Variants in GRM5 observed in about 807,000 individuals in gnomAD.
GRM5 encodes glutamate metabotropic receptor 5, also known as metabotropic glutamate receptor 5.
GRM5 carries 19 observed loss-of-function variants against 83.1 expected under a neutral mutation model. The observed-to-expected ratio is 0.23, with a 90% CI of 0.16 to 0.34. The LOEUF is 0.34. GRM5 is among the 10% of genes least tolerant of loss of function. The pLI is 1.00. For missense variants in GRM5, 1,160 were observed against 1,588.3 expected (o/e 0.73, Z 4.58); for synonymous variants, 675 against 633.6 (o/e 1.07, Z -0.98).
intron 2 of GRM5, among the ~76,000 whole-genome samples, chr11:88,975,732 G>A (rs945108367): frequency 9.9e-5 from 15 of 152,142 alleles, no homozygotes; most frequent in African/African-American, 3.6e-4. Flanking sequence ...CCATCTAAAT[G>A]TATTATATAA....
At chr11:89,046,410 G>A (rs1475524276) in intron 2 of GRM5, among the ~76,000 whole-genome samples, 2 of 151,502 alleles carry the variant, frequency 1.3e-5, no homozygotes, top group African/African-American at 2.4e-5. Flanking sequence ...CATAACAAGC[G>A]AGTCTGCCCA....
chr11:89,027,663 C>T (rs1941158022), intron 2 of GRM5, among the ~76,000 whole-genome samples: 1 of 152,156 alleles, frequency 6.6e-6, no homozygotes. Flanking sequence ...TGAAAGGAAA[C>T]ACTTCCATAT....
At chr11:89,037,580 T>C (rs1367839268) in intron 2 of GRM5, among the ~76,000 whole-genome samples, 1 of 152,162 alleles carries the variant, frequency 6.6e-6, no homozygotes, top group African/African-American at 2.4e-5. Context: ...TACTGATTAA[T>C]AGTCTTGCTA....
intron 2 of GRM5, among the ~76,000 whole-genome samples, chr11:88,984,323 T>C (rs1477697358): frequency 2.0e-5 from 3 of 152,200 alleles, no homozygotes; most frequent in South Asian, 2.1e-4. Context: ...TGTTTATATA[T>C]GTAAACACTT....
chr11:88,924,256 T>TA (rs34957903), intron 2 of GRM5, among the ~76,000 whole-genome samples: 145,429 of 151,854 alleles, frequency 0.96, 69,720 homozygotes, highest in East Asian at 0.99. Flanking sequence ...GGAGCTTCCT[T>TA]AAAATTTTAA....
chr11:89,038,161 G>C (rs2135136020), intron 2 of GRM5, among the ~76,000 whole-genome samples: 1 of 151,876 alleles, frequency 6.6e-6, no homozygotes, highest in East Asian at 1.9e-4. Context: ...TTGTGTGTGT[G>C]TGTGTGTGTG....
intron 3 of GRM5, among the ~76,000 whole-genome samples, chr11:88,736,538 G>A (rs911062104): frequency 1.3e-5 from 2 of 152,020 alleles, no homozygotes; most frequent in African/African-American, 4.8e-5. Flanking sequence ...ACCAACAAAT[G>A]TCTCTTATTA....
intron 2 of GRM5, among the ~76,000 whole-genome samples, chr11:88,898,486 TACTG>T (rs1440168611): frequency 3.9e-5 from 6 of 151,930 alleles, no homozygotes; most frequent in Admixed American, 6.6e-5. Context: ...ATGCAAATAA[TACTG>T]ACTGTCTGTA....
At chr11:89,042,229 T>A (rs1165410432) in intron 2 of GRM5, among the ~76,000 whole-genome samples, 2 of 152,128 alleles carry the variant, frequency 1.3e-5, no homozygotes, top group Non-Finnish European at 2.9e-5. Flanking sequence ...ATTAACACTT[T>A]CAGCCAATTG....
intron 3 of GRM5, among the ~76,000 whole-genome samples, chr11:88,813,356 T>C (rs191730086): frequency 6.6e-6 from 1 of 152,190 alleles, no homozygotes; most frequent in East Asian, 1.9e-4. Context: ...TGGGGATTTT[T>C]TAGTTCTCTC....
At chr11:88,834,229 C>T (rs1477688707) in intron 3 of GRM5, among the ~76,000 whole-genome samples, 1 of 151,952 alleles carries the variant, frequency 6.6e-6, no homozygotes, top group Non-Finnish European at 1.5e-5. Flanking sequence ...TCATGTGTAC[C>T]CCATACATAT....
At chr11:88,878,250 C>T (rs72643341) in intron 2 of GRM5, among the ~76,000 whole-genome samples, 18,614 of 152,116 alleles carry the variant, frequency 0.12, 1,926 homozygotes, top group East Asian at 0.27. Flanking sequence ...GGAGAAGACT[C>T]CAAATATTTC....
At position 89,009,152 on chromosome 11, in the gene GRM5, A is replaced by T. The variant is rs1392910913; in HGVS notation, c.661+38060T>A. On this transcript the variant is annotated intron_variant, in intron 2 of 9. Coordinates refer to ENST00000305447, the MANE Select transcript of GRM5 (RefSeq NM_001143831.3). ...TGTATAAGATAAGCAAAGGTTTTAT[A>T]AGTTAATTTTAAGTGTATAAATGAA... 8 of 696,340 alleles carry T rather than the reference A, an allele frequency of 1.1e-5. No individual in the cohort carries two copies. In the Admixed American group the frequency reaches 1.8e-4, roughly 16 times the overall value. The allele number at this position is 696,340 out of a possible 1,614,324, so 43.1% of individuals were successfully genotyped here.
intron 7 of GRM5, among the ~76,000 whole-genome samples, chr11:88,581,664 C>A (rs1210562434): frequency 2.6e-5 from 4 of 152,090 alleles, no homozygotes; most frequent in African/African-American, 9.7e-5. Context: ...TGCTTAGAGA[C>A]CTGGGAATTC....
At chr11:88,582,252 A>G (rs1943226324) in intron 7 of GRM5, among the ~76,000 whole-genome samples, 2 of 152,220 alleles carry the variant, frequency 1.3e-5, no homozygotes, top group Non-Finnish European at 2.9e-5. Context: ...TATGTTTGGC[A>G]CTAGTTGGAA....
chr11:88,647,344 A>G (rs1003307922), intron 4 of GRM5, among the ~76,000 whole-genome samples: 1 of 144,290 alleles, frequency 6.9e-6, no homozygotes, highest in East Asian at 2.1e-4. Context: ...CACTCCTTAA[A>G]AAAAGTATAA....
chr11:88,760,610 C>G (rs1313090061), intron 3 of GRM5, among the ~76,000 whole-genome samples: 1 of 152,068 alleles, frequency 6.6e-6, no homozygotes, highest in Non-Finnish European at 1.5e-5. Flanking sequence ...TATGGATTCA[C>G]AGCCAAATTC....
At chr11:88,793,164 A>G (rs1180257031) in intron 3 of GRM5, among the ~76,000 whole-genome samples, 1 of 152,162 alleles carries the variant, frequency 6.6e-6, no homozygotes, top group East Asian at 1.9e-4. Context: ...AATAACTCAT[A>G]TCAATCCTAA....
intron 2 of GRM5, among the ~76,000 whole-genome samples, chr11:88,876,606 C>A (rs1335671470): frequency 6.6e-6 from 1 of 152,058 alleles, no homozygotes; most frequent in Non-Finnish European, 1.5e-5. Flanking sequence ...TCATTTCTAG[C>A]TTTCATTTAA....
Sources: gnomAD v4.1 joint callset for allele counts (sites outside exome capture counted in the v4.1 genomes callset) on GRCh38, gnomAD v4.1.1 for gene constraint, MANE v1.5 for transcripts, NCBI Gene and HGNC (gene_info 2026-07-23, HGNC 2026-07-21) for gene names.